The following ZEB1 variants were observed in gnomAD, a reference collection of about 807,000 sequenced individuals.
ZEB1 encodes the protein zinc finger E-box binding homeobox 1.
ZEB1 carries 21 observed loss-of-function variants against 84.9 expected under a neutral mutation model. The observed-to-expected ratio is 0.25, with a 90% confidence interval of 0.18 to 0.36. ZEB1 has a LOEUF of 0.36. ZEB1 is among the 10% of genes least tolerant of loss of function. ZEB1 has a pLI of 1.00. For missense variants in ZEB1, 1,104 were observed against 1,330.2 expected (o/e 0.83, Z 2.65); for synonymous variants, 420 against 471.1 (o/e 0.89, Z 1.41).
intron 1 of ZEB1, among the ~76,000 whole-genome samples, chr10:31,429,105 A>T (rs190702162): frequency 8.1e-4 from 123 of 152,308 alleles, no homozygotes; most frequent in Middle Eastern, 3.4e-3. Flanking sequence ...TGCTGTCATA[A>T]TGATGTTAGC....
rs543465853 is a variant in ZEB1 at position 31,402,641 on chromosome 10, GT to G, written c.59-58386del. Among the ~76,000 whole-genome samples, 504 of 148,950 alleles carry G rather than the reference GT, an allele frequency of 3.4e-3. 5 individuals carry two copies. The highest frequency in any genetic ancestry group is 9.8e-3 in the African/African-American group (399 of 40,680). ...TCCAGCTTTGAAACAATTGCTGTGTGTTTTTTTTTTATTTGAACTTTATTAC... is the reference window on the plus strand; with the variant it reads ...TCCAGCTTTGAAACAATTGCTGTGTGTTTTTTTTTATTTGAACTTTATTAC... On this transcript the variant is annotated intron_variant, in intron 1 of 8. Coordinates refer to ENST00000424869, the MANE Select transcript of ZEB1 (RefSeq NM_001174096.2).
In ZEB1 at chr10:31,453,635, G is replaced by A. The variant is rs377673037; in HGVS notation, c.59-7402G>A. 7.9e-5 allele frequency among the ~76,000 whole-genome samples: 12 copies of A among 152,070 alleles called. No individual in the cohort carries two copies. The South Asian group carries it at 1.2e-3, about 16-fold the overall frequency. On this transcript the variant is annotated intron_variant, in intron 1 of 8. Transcript: ENST00000424869. Reference sequence around the variant, plus strand: ...GTTCTTGTAAAGATTTATTGACCTCGCAAATAAACTAGAAAATCTGGAAGA... The same window carrying A: ...GTTCTTGTAAAGATTTATTGACCTCACAAATAAACTAGAAAATCTGGAAGA...
chr10:31,421,167 A>G (rs2056098304), intron 1 of ZEB1, among the ~76,000 whole-genome samples: 1 of 152,108 alleles, frequency 6.6e-6, no homozygotes, highest in African/African-American at 2.4e-5. Flanking sequence ...AAAACTGTGC[A>G]TGGATGATTG....
chr10:31,482,281 A>G (rs1027704259), intron 2 of ZEB1, among the ~76,000 whole-genome samples: 1 of 152,070 alleles, frequency 6.6e-6, no homozygotes. Flanking sequence ...AGAGAAATCC[A>G]AGTTGAGGGG....
rs114209573 is a variant in ZEB1 at position 31,464,914 on chromosome 10, A to G, written c.259+3677A>G. ...TGAAACAAAAGAACACTAATTAGCAACATGAAAACATGAAAGAATAAAACT... is the reference window on the plus strand; with the variant it reads ...TGAAACAAAAGAACACTAATTAGCAGCATGAAAACATGAAAGAATAAAACT... On this transcript the variant is annotated intron_variant, in intron 2 of 8. Transcript: ENST00000424869. Among the ~76,000 whole-genome samples, 852 of 152,316 alleles carry G rather than the reference A, an allele frequency of 5.6e-3. 13 individuals are homozygous for G. Among genetic ancestry groups the G allele is most frequent in the African/African-American group, 0.02 (817 of 41,566 alleles).
rs1258679362 is a variant in ZEB1 at position 31,364,682 on chromosome 10, C to G, written c.58+45390C>G. Among the ~76,000 whole-genome samples, 4 of 152,314 alleles carry G rather than the reference C, an allele frequency of 2.6e-5. 1 individual carries two copies. Among genetic ancestry groups the G allele is most frequent in the Admixed American group, 2.0e-4 (3 of 15,308 alleles). ...CATGCCTCCCTGGCAGGCAGGGTCT[C>G]CACTTTTTACAAATTTGCCTGAGAC... On this transcript the variant is annotated intron_variant, in intron 1 of 8. Coordinates refer to ENST00000424869, the MANE Select transcript of ZEB1 (RefSeq NM_001174096.2).
intron 1 of ZEB1, among the ~76,000 whole-genome samples, chr10:31,347,096 T>C (rs1344071138): frequency 1.3e-5 from 2 of 152,058 alleles, no homozygotes; most frequent in African/African-American, 2.4e-5. Flanking sequence ...GGTGGGGAGG[T>C]GTTAGGAAAC....
chr10:31,393,149 T>C (rs1324863640), intron 1 of ZEB1, among the ~76,000 whole-genome samples: 3 of 152,234 alleles, frequency 2.0e-5, no homozygotes, highest in Admixed American at 1.3e-4. Context: ...GTACTATTTA[T>C]ATTTTTTATT....
chr10:31,325,689 G>A (rs1345741218), intron 1 of ZEB1, among the ~76,000 whole-genome samples: 2 of 151,820 alleles, frequency 1.3e-5, no homozygotes, highest in Admixed American at 1.3e-4. Context: ...AAAATTAAAT[G>A]TGAATGGAAG....
intron 1 of ZEB1, among the ~76,000 whole-genome samples, chr10:31,378,031 ATG>A (rs1302597774): frequency 6.6e-6 from 1 of 150,634 alleles, no homozygotes; most frequent in Admixed American, 6.6e-5. Flanking sequence ...TATATATAGT[ATG>A]TATATATTAT....
intron 1 of ZEB1, among the ~76,000 whole-genome samples, chr10:31,411,623 A>T (rs2054285997): frequency 8.0e-6 from 1 of 125,370 alleles, no homozygotes; most frequent in African/African-American, 3.2e-5. Context: ...TGGGCGACAG[A>T]GCGAGACTCC....
chr10:31,512,305 A>G (rs181667933), intron 5 of ZEB1, among the ~76,000 whole-genome samples: 1 of 152,316 alleles, frequency 6.6e-6, no homozygotes, highest in Admixed American at 6.5e-5. Flanking sequence ...AGATGCCATT[A>G]TAAAAACAAA....
chr10:31,336,963 T>C (rs1002977504), intron 1 of ZEB1, among the ~76,000 whole-genome samples: 2 of 152,210 alleles, frequency 1.3e-5, no homozygotes, highest in African/African-American at 4.8e-5. Flanking sequence ...CCAGTATTCC[T>C]ATGTCTTAGA....
chr10:31,481,430 G>A (rs2065028073), intron 2 of ZEB1, among the ~76,000 whole-genome samples: 1 of 151,956 alleles, frequency 6.6e-6, no homozygotes. Context: ...ATGCCGCCTT[G>A]GAGAAATGGC....
At chr10:31,515,412 A>G (rs899101223) in intron 6 of ZEB1, among the ~76,000 whole-genome samples, 39 of 152,062 alleles carry the variant, frequency 2.6e-4, no homozygotes, top group Admixed American at 2.6e-3. Context: ...GCCCTATGAA[A>G]TCTGTTCATC....
At chr10:31,361,839 G>A (rs1318072794) in intron 1 of ZEB1, among the ~76,000 whole-genome samples, 2 of 150,532 alleles carry the variant, frequency 1.3e-5, no homozygotes, top group East Asian at 4.0e-4. Context: ...CCCAGACGGT[G>A]AGGAGGCCGG....
intron 2 of ZEB1, among the ~76,000 whole-genome samples, chr10:31,469,446 G>C (rs2062885035): frequency 6.6e-6 from 1 of 152,216 alleles, no homozygotes; most frequent in Non-Finnish European, 1.5e-5. Context: ...AAAGAAAGGG[G>C]TGACAGACGG....
chr10:31,393,378 G>C (rs1308696553), intron 1 of ZEB1, among the ~76,000 whole-genome samples: 1 of 152,032 alleles, frequency 6.6e-6, no homozygotes, highest in African/African-American at 2.4e-5. Flanking sequence ...CACTTGATAG[G>C]CCACCTGTGT....
At chr10:31,372,549 C>T (rs2045907179) in intron 1 of ZEB1, among the ~76,000 whole-genome samples, 1 of 151,986 alleles carries the variant, frequency 6.6e-6, no homozygotes, top group Non-Finnish European at 1.5e-5. Flanking sequence ...CTTCCCAGTA[C>T]AAAAAGTATC....
Sources: allele counts gnomAD v4.1 joint callset (sites outside exome capture counted in the v4.1 genomes callset), GRCh38; gene constraint gnomAD v4.1.1; transcripts MANE v1.5; gene names NCBI Gene and HGNC (gene_info 2026-07-23, HGNC 2026-07-21).